Variants in XRCC5 observed in about 807,000 individuals in gnomAD.
XRCC5 encodes DNA repair protein Ku80.
XRCC5 carries 12 observed loss-of-function variants against 95.7 expected under a neutral mutation model. That is an observed-to-expected ratio of 0.13 (90% CI 0.08 to 0.20). The LOEUF is 0.20. Ranked by LOEUF, XRCC5 falls within the 10% of genes least tolerant of loss-of-function variation. The pLI is 1.00. For synonymous variants in XRCC5, 281 were observed against 290.3 expected, an observed-to-expected ratio of 0.97 and a Z score of 0.33; for missense variants, 595 against 873.9, an observed-to-expected ratio of 0.68 and a Z score of 4.02.
chr2:216,164,550 G>A (rs1232550936), intron 16 of XRCC5, among the ~76,000 whole-genome samples: 1 of 152,200 alleles, frequency 6.6e-6, no homozygotes, highest in Non-Finnish European at 1.5e-5. Context: ...AGTGCTTAGG[G>A]TAGAGAATGA....
chr2:216,189,733 G>A (rs970133181), intron 16 of XRCC5, among the ~76,000 whole-genome samples: 1 of 152,098 alleles, frequency 6.6e-6, no homozygotes, highest in Non-Finnish European at 1.5e-5. Flanking sequence ...ATTTAACCTT[G>A]GATTGGTAGA....
intron 8 of XRCC5, among the ~76,000 whole-genome samples, chr2:216,129,217 T>C (rs1483923881): frequency 1.3e-5 from 2 of 152,234 alleles, no homozygotes; most frequent in Non-Finnish European, 2.9e-5. Context: ...AATTTATTGC[T>C]GGGGCAATGG....
chr2:216,150,896 AAAG>A (rs1688729227), intron 14 of XRCC5, among the ~76,000 whole-genome samples: 1 of 152,162 alleles, frequency 6.6e-6, no homozygotes. Flanking sequence ...CTTAATTAAA[AAAG>A]AAAAATAAAA....
At chr2:216,152,836 T>C (rs1386205908) in intron 14 of XRCC5, among the ~76,000 whole-genome samples, 1 of 151,978 alleles carries the variant, frequency 6.6e-6, no homozygotes, top group East Asian at 1.9e-4. Flanking sequence ...TTTGTCGAGA[T>C]AGAGTCTTAC....
chr2:216,166,286 T>A (rs188084645), intron 16 of XRCC5, among the ~76,000 whole-genome samples: 2 of 152,224 alleles, frequency 1.3e-5, no homozygotes, highest in East Asian at 3.9e-4. Context: ...CACACCAGGC[T>A]AATTTTTGTA....
chr2:216,173,217 CT>C (rs1258348378), intron 16 of XRCC5, among the ~76,000 whole-genome samples: 5 of 150,640 alleles, frequency 3.3e-5, no homozygotes, highest in Non-Finnish European at 4.4e-5. Context: ...GTTTTTCTTT[CT>C]TTTTTTTTAA....
intron 8 of XRCC5, among the ~76,000 whole-genome samples, chr2:216,129,190 A>G (rs1221114610): frequency 6.6e-6 from 1 of 152,224 alleles, no homozygotes; most frequent in Non-Finnish European, 1.5e-5. Flanking sequence ...ATCCCTGGTT[A>G]TCTTAGGCAA....
chr2:216,142,390 A>G (rs1474765469), intron 13 of XRCC5, among the ~76,000 whole-genome samples: 1 of 152,228 alleles, frequency 6.6e-6, no homozygotes, highest in Non-Finnish European at 1.5e-5. Context: ...ATTAAAATAC[A>G]GAAAATATAA....
At chr2:216,154,382 A>T (rs1688804497) in intron 14 of XRCC5, among the ~76,000 whole-genome samples, 1 of 152,246 alleles carries the variant, frequency 6.6e-6, no homozygotes, top group Non-Finnish European at 1.5e-5. Context: ...TTTAACTGAG[A>T]TAATTTAAAT....
chr2:216,176,643 T>C (rs1273185067), intron 16 of XRCC5, among the ~76,000 whole-genome samples: 1 of 152,216 alleles, frequency 6.6e-6, no homozygotes, highest in East Asian at 1.9e-4. Flanking sequence ...ATGGATTTTA[T>C]CTTTTTAAGA....
At chr2:216,157,716 T>C (rs1688873997) in intron 14 of XRCC5, among the ~76,000 whole-genome samples, 4 of 152,220 alleles carry the variant, frequency 2.6e-5, no homozygotes, top group Admixed American at 6.5e-5. Context: ...AATATTAGGC[T>C]AAATAAGTGA....
intron 1 of XRCC5, among the ~76,000 whole-genome samples, chr2:216,111,962 A>C (rs1696597719): frequency 6.6e-6 from 1 of 152,196 alleles, no homozygotes; most frequent in Non-Finnish European, 1.5e-5. Context: ...TCTTGAATTC[A>C]CTACACTGTT....
intron 12 of XRCC5, 81 bp downstream of exon 12, chr2:216,138,260 G>A: frequency 7.8e-7 from 1 of 1,275,392 alleles, no homozygotes; most frequent in Non-Finnish European, 1.1e-6. Flanking sequence ...TTGTTGGTTG[G>A]GGCTAGGTAT....
chr2:216,201,046 A>G lies in XRCC5; in HGVS notation c.2110-3276A>G, dbSNP rs183565565. Among the ~76,000 whole-genome samples, 111 of 152,316 alleles carry G rather than the reference A, an allele frequency of 7.3e-4. 1 individual carries two copies. Among genetic ancestry groups the G allele is most frequent in the Non-Finnish European group, 1.4e-3 (92 of 68,024 alleles). The stretch of plus-strand genomic sequence containing the variant: ...AGACTCAACAACCCCTAAGATAGGT[A>G]TGGTAAGTAGTAGTATTCACATTTT... On this transcript the variant is annotated intron_variant, in intron 19 of 20. Transcript: ENST00000392132.
intron 12 of XRCC5, among the ~76,000 whole-genome samples, chr2:216,138,513 T>A (rs1559244318): frequency 6.6e-6 from 1 of 152,178 alleles, no homozygotes; most frequent in Non-Finnish European, 1.5e-5. Context: ...ACCTGTGACT[T>A]TAGTGTTCTG....
At chr2:216,202,648 G>A (rs1259686475) in intron 19 of XRCC5, among the ~76,000 whole-genome samples, 1 of 152,092 alleles carries the variant, frequency 6.6e-6, no homozygotes, top group Non-Finnish European at 1.5e-5. Flanking sequence ...CCAGTTTAGG[G>A]TCAACAAAGA....
intron 17 of XRCC5, among the ~76,000 whole-genome samples, chr2:216,190,718 G>A (rs1689599691): frequency 6.6e-6 from 1 of 152,114 alleles, no homozygotes; most frequent in Admixed American, 6.5e-5. Flanking sequence ...TATAATTATT[G>A]AGAAAGATTT....
chr2:216,125,274 C>T (rs542701470), intron 6 of XRCC5, among the ~76,000 whole-genome samples: 14 of 151,508 alleles, frequency 9.2e-5, no homozygotes, highest in African/African-American at 2.7e-4. Flanking sequence ...CTCAGCTCAC[C>T]GCAACCTCCG....
Position 216,122,229 on chromosome 2 carries a change from G to T in XRCC5, c.659G>T (p.Gly220Val). ...MVMISLEGED[G>V]LDEIYSFSES... ...ATGATATCTTTAGAAGGTGAAGATG[G>T]GTTGGATGAAATTTATTCATTCAGG... is the stretch of plus-strand genomic sequence containing the variant. The change falls in exon 6 of 21, where the codon GGG (glycine) becomes GTG (valine). Residue 220 changes from glycine to valine, a missense_variant. By Grantham distance (109) the Gly-to-Val change is moderately radical. Transcript: ENST00000392132. 1 of 1,611,132 alleles carries T rather than the reference G, an allele frequency of 6.2e-7. No homozygotes were observed. The highest frequency in any genetic ancestry group is 8.5e-7 in the Non-Finnish European group (1 of 1,179,074).
Sources: allele counts gnomAD v4.1 joint callset (sites outside exome capture counted in the v4.1 genomes callset), GRCh38; gene constraint gnomAD v4.1.1; transcripts MANE v1.5; gene names NCBI Gene and HGNC (gene_info 2026-07-23, HGNC 2026-07-21).